The following CLDN16 variants were observed in gnomAD, a reference collection of about 807,000 sequenced individuals.
CLDN16 encodes claudin-16.
In CLDN16, 13 loss-of-function variants were observed where a neutral mutation model predicts 24.6. The observed-to-expected ratio is 0.53, with a 90% CI of 0.34 to 0.84. The LOEUF is 0.84. Ranked by LOEUF, CLDN16 falls within the 40% of genes least tolerant of loss-of-function variation. CLDN16 has a pLI of 0.01. For missense variants in CLDN16, 298 were observed against 292.7 expected (o/e 1.02, Z -0.13); for synonymous variants, 116 against 106.7 (o/e 1.09, Z -0.54).
At chr3:190,318,753 G>A (rs968040661), upstream of CLDN16, among the ~76,000 whole-genome samples, 6 of 152,170 alleles carry the variant, frequency 3.9e-5, no homozygotes, top group African/African-American at 7.2e-5. Flanking sequence ...CAGGCACAAC[G>A]CATCTGGAGA....
At chr3:190,385,393 A>G (rs939071867), upstream of CLDN16, among the ~76,000 whole-genome samples, 2 of 152,112 alleles carry the variant, frequency 1.3e-5, no homozygotes, top group Non-Finnish European at 2.9e-5. Context: ...TGTATCTCCT[A>G]TTACATTATG....
At chr3:190,371,419 T>C (rs903017503) in intron 2 of CLDN16, among the ~76,000 whole-genome samples, 109 of 151,992 alleles carry the variant, frequency 7.2e-4, no homozygotes, top group African/African-American at 2.5e-3. Context: ...CTACACTTCG[T>C]AGGTTCACTG....
intron 1 of CLDN16, among the ~76,000 whole-genome samples, chr3:190,370,299 C>G (rs1718111811): frequency 6.6e-6 from 1 of 151,944 alleles, no homozygotes; most frequent in Non-Finnish European, 1.5e-5. Flanking sequence ...ATGCCATTCT[C>G]TAAAAGAAAG....
At chr3:190,351,956 A>C (rs140947694) in intron 1 of CLDN16, among the ~76,000 whole-genome samples, 55 of 152,192 alleles carry the variant, frequency 3.6e-4, no homozygotes, top group African/African-American at 1.3e-3. Flanking sequence ...TATCAGGGAG[A>C]GCTCTAGCAA....
chr3:190,316,548 A>G, the CLDN16 span, among the ~76,000 whole-genome samples: 1 of 152,234 alleles, frequency 6.6e-6, no homozygotes, highest in South Asian at 2.1e-4. Context: ...TTTTATGTGC[A>G]GATCAAATCT....
intron 1 of CLDN16, among the ~76,000 whole-genome samples, chr3:190,388,976 A>AT (rs1553807753): frequency 6.6e-6 from 1 of 152,232 alleles, no homozygotes; most frequent in Non-Finnish European, 1.5e-5. Context: ...AAAAGAAAAA[A>AT]TGTTGAGGGA....
At chr3:190,321,889 A>T, upstream of CLDN16, 3 of 907,216 alleles carry the variant, frequency 3.3e-6, no homozygotes, top group South Asian at 4.3e-5. Context: ...CTGAAGACTG[A>T]TAACCATGGA....
intron 1 of CLDN16, among the ~76,000 whole-genome samples, chr3:190,355,363 A>T (rs76618067): frequency 0.1 from 15,583 of 151,892 alleles, 1,082 homozygotes; most frequent in African/African-American, 0.2. Context: ...ATACTTAAAA[A>T]TTATTGGCCT....
intron 1 of CLDN16, among the ~76,000 whole-genome samples, chr3:190,343,865 C>A (rs80213783): frequency 6.6e-6 from 1 of 151,728 alleles, no homozygotes; most frequent in African/African-American, 2.4e-5. Context: ...AAAGTAGCAA[C>A]GTAGGATGAA....
chr3:190,324,185 C>T (rs969705205), intron 1 of CLDN16, among the ~76,000 whole-genome samples: 12 of 152,130 alleles, frequency 7.9e-5, no homozygotes, highest in East Asian at 3.9e-4. Context: ...ATTAAACACC[C>T]GGGCACGGTG....
At chr3:190,399,241 C>T (rs1021983660) in intron 1 of CLDN16, among the ~76,000 whole-genome samples, 3 of 152,172 alleles carry the variant, frequency 2.0e-5, no homozygotes, top group Admixed American at 6.5e-5. Flanking sequence ...CGGTGCCTCA[C>T]GCCTGTAATC....
intron 3 of CLDN16, among the ~76,000 whole-genome samples, chr3:190,405,177 C>T (rs911402193): frequency 3.9e-5 from 6 of 152,056 alleles, no homozygotes; most frequent in African/African-American, 1.4e-4. Flanking sequence ...TGCCTATATT[C>T]CCAGCACTTT....
At chr3:190,370,894 T>C (rs1384248039) in exon 2 of CLDN16, 1 of 151,648 alleles carries the variant, frequency 6.6e-6, no homozygotes, top group Non-Finnish European at 1.5e-5. Flanking sequence ...CTGTGCTAGA[T>C]GATTCCTGCC....
chr3:190,348,334 AATGT>A (rs778454268), intron 1 of CLDN16, among the ~76,000 whole-genome samples: 44 of 79,790 alleles, frequency 5.5e-4, no homozygotes, highest in African/African-American at 2.8e-3. Context: ...GCAAGACTGC[AATGT>A]GTGTGTGTGT....
the CLDN16 span, among the ~76,000 whole-genome samples, chr3:190,298,348 T>TACACACACACACACAC: frequency 9.1e-3 from 1,340 of 147,930 alleles, 12 homozygotes; most frequent in Middle Eastern, 0.035. Flanking sequence ...ATGTATATTA[T>TACACACACACACACAC]ACACACACAC....
chr3:190,305,416 C>A, the CLDN16 span, among the ~76,000 whole-genome samples: 9 of 152,306 alleles, frequency 5.9e-5, no homozygotes, highest in African/African-American at 1.2e-4. Flanking sequence ...TTATAGTTCA[C>A]AAAATATCTT....
At chr3:190,333,688 G>A (rs930944023) in intron 1 of CLDN16, among the ~76,000 whole-genome samples, 20 of 151,986 alleles carry the variant, frequency 1.3e-4, no homozygotes, top group African/African-American at 3.9e-4. Flanking sequence ...TTATCATAAC[G>A]TGGAGTTCTT....
intron 3 of CLDN16, among the ~76,000 whole-genome samples, chr3:190,379,934 C>T (rs1718322161): frequency 6.6e-6 from 1 of 151,646 alleles, no homozygotes; most frequent in Admixed American, 6.6e-5. Flanking sequence ...TGTATTTCAA[C>T]ATTGTAGACC....
At chr3:190,390,351 T>C (rs6797278) in intron 1 of CLDN16, among the ~76,000 whole-genome samples, 29,117 of 151,986 alleles carry the variant, frequency 0.19, 3,197 homozygotes, top group East Asian at 0.45. Flanking sequence ...CTGGCCGACA[T>C]AGTGAAACCC....
Sources: gnomAD v4.1 joint callset for allele counts (sites outside exome capture counted in the v4.1 genomes callset) on GRCh38, gnomAD v4.1.1 for gene constraint, MANE v1.5 for transcripts, NCBI Gene and HGNC (gene_info 2026-07-23, HGNC 2026-07-21) for gene names.